IGSF11: variants seen among roughly 807,000 people sequenced by gnomAD.
IGSF11 encodes the protein immunoglobulin superfamily member 11.
A neutral mutation model predicts 41.0 loss-of-function variants in IGSF11; 22 were observed. The observed-to-expected ratio is 0.54, with a 90% CI of 0.38 to 0.77. The LOEUF is 0.77. Among genes scored for constraint, IGSF11 ranks in the 30% least tolerant of loss-of-function variants. The pLI is 0.00. For missense variants in IGSF11, 444 were observed against 530.8 expected (o/e 0.84, Z 1.61); for synonymous variants, 219 against 201.3 (o/e 1.09, Z -0.74).
At position 118,904,537 on chromosome 3, in the gene IGSF11, T is replaced by C. The variant is rs1375424533; in HGVS notation, c.854+111A>G. 1.4e-5 allele frequency: 11 copies of C among 777,584 alleles called. No homozygotes were observed. In the East Asian group the frequency reaches 1.7e-4, roughly 12 times the overall value. The allele number at this position is 777,584 out of a possible 1,614,324, so 48.2% of individuals were successfully genotyped here. Reference sequence around the variant, plus strand: ...AGAAAATACCATTTAGCCACTTTAATAGTCTCGGCCATCAGAGTTTTATGA... The same window carrying C: ...AGAAAATACCATTTAGCCACTTTAACAGTCTCGGCCATCAGAGTTTTATGA... On this transcript the variant is annotated intron_variant, in intron 6 of 6. Transcript: ENST00000393775.
At chr3:119,001,517 T>C (rs1576603528) in intron 1 of IGSF11, among the ~76,000 whole-genome samples, 1 of 147,220 alleles carries the variant, frequency 6.8e-6, no homozygotes. Flanking sequence ...CATGTGCACA[T>C]TGTGCAGGTT....
intron 1 of IGSF11, among the ~76,000 whole-genome samples, chr3:119,103,382 TC>T (rs1194726462): frequency 6.6e-6 from 1 of 151,986 alleles, no homozygotes; most frequent in African/African-American, 2.4e-5. Context: ...TTCCTTTCCT[TC>T]TTTTTTTTTT....
chr3:119,023,793 A>G (rs1353580927), intron 1 of IGSF11, among the ~76,000 whole-genome samples: 1 of 152,190 alleles, frequency 6.6e-6, no homozygotes, highest in Non-Finnish European at 1.5e-5. Context: ...CCACTATGTC[A>G]AGAGAATCTG....
At chr3:119,098,743 A>G (rs1219399207) in intron 1 of IGSF11, among the ~76,000 whole-genome samples, 1 of 152,246 alleles carries the variant, frequency 6.6e-6, no homozygotes, top group Non-Finnish European at 1.5e-5. Context: ...AGCATTGGAA[A>G]CTATATTTCA....
chr3:119,024,178 G>A (rs189980482), intron 1 of IGSF11, among the ~76,000 whole-genome samples: 80 of 152,272 alleles, frequency 5.3e-4, no homozygotes, highest in Middle Eastern at 3.4e-3. Context: ...TGTTAAGACC[G>A]AGAATGAATA....
chr3:118,902,160 C>A lies in IGSF11; in HGVS notation c.*360G>T. On this transcript the variant is annotated 3_prime_UTR_variant, in exon 7 of 7. Coordinates refer to ENST00000393775, the MANE Select transcript of IGSF11 (RefSeq NM_001015887.3). Reference sequence around the variant, plus strand: ...TAAAATAATTTCAATATTTAAACTCCATCTGGCACTTTAATCTCTTAAAAA... The same window carrying A: ...TAAAATAATTTCAATATTTAAACTCAATCTGGCACTTTAATCTCTTAAAAA... 1 of 186,292 alleles carries A rather than the reference C, an allele frequency of 5.4e-6. No homozygotes were observed. Among genetic ancestry groups the A allele is most frequent in the Non-Finnish European group, 1.1e-5 (1 of 88,808 alleles). 11.5% of individuals were successfully genotyped at this position (186,292 alleles called of 1,614,324 possible).
intron 1 of IGSF11, among the ~76,000 whole-genome samples, chr3:118,994,784 C>T (rs372604574): frequency 2.0e-5 from 3 of 152,216 alleles, no homozygotes; most frequent in Middle Eastern, 3.4e-3. Flanking sequence ...ATAAGCATGG[C>T]GGCAGAGAAA....
intron 1 of IGSF11, among the ~76,000 whole-genome samples, chr3:119,083,294 C>A (rs2076614685): frequency 6.6e-6 from 1 of 151,734 alleles, no homozygotes; most frequent in Non-Finnish European, 1.5e-5. Flanking sequence ...TATTTTAATG[C>A]ATTTTTAGTA....
At chr3:119,113,417 C>T (rs4687966) in intron 1 of IGSF11, among the ~76,000 whole-genome samples, 142,985 of 152,278 alleles carry the variant, frequency 0.94, 67,200 homozygotes, top group East Asian at 1. Flanking sequence ...AAGGAAGAGA[C>T]TGGCCAAAAC....
chr3:119,091,542 A>G (rs1303079713), intron 1 of IGSF11, among the ~76,000 whole-genome samples: 1 of 152,232 alleles, frequency 6.6e-6, no homozygotes, highest in Non-Finnish European at 1.5e-5. Flanking sequence ...GAATGAAATA[A>G]TATCCTTTGC....
intron 1 of IGSF11, among the ~76,000 whole-genome samples, chr3:119,134,151 C>T (rs1576837811): frequency 6.6e-6 from 1 of 151,888 alleles, no homozygotes; most frequent in Admixed American, 6.6e-5. Flanking sequence ...TTGAAAACCA[C>T]CACAAGACAA....
At chr3:119,131,672 C>G (rs894118885) in intron 1 of IGSF11, among the ~76,000 whole-genome samples, 2 of 152,022 alleles carry the variant, frequency 1.3e-5, no homozygotes, top group Non-Finnish European at 2.9e-5. Context: ...CAAGGCAGGC[C>G]AACATTCAAA....
At chr3:119,129,231 A>G (rs543295366) in intron 1 of IGSF11, among the ~76,000 whole-genome samples, 1 of 152,278 alleles carries the variant, frequency 6.6e-6, no homozygotes, top group East Asian at 1.9e-4. Context: ...GCACACGTAT[A>G]CCTATGTACC....
At chr3:119,008,310 T>C (rs1433485716) in intron 1 of IGSF11, among the ~76,000 whole-genome samples, 1 of 152,360 alleles carries the variant, frequency 6.6e-6, no homozygotes, top group African/African-American at 2.4e-5. Flanking sequence ...GTCTTTGGAA[T>C]ATGGCCTTCC....
intron 1 of IGSF11, among the ~76,000 whole-genome samples, chr3:118,970,670 G>A (rs149676972): frequency 1.2e-3 from 181 of 150,940 alleles, no homozygotes; most frequent in African/African-American, 4.3e-3. Context: ...TCTAGGAGTT[G>A]GTACTATTGT....
intron 1 of IGSF11, among the ~76,000 whole-genome samples, chr3:118,962,908 T>C (rs1466642131): frequency 6.6e-6 from 1 of 152,062 alleles, no homozygotes; most frequent in Non-Finnish European, 1.5e-5. Context: ...AATTTGTATG[T>C]GTAAGTCAGT....
intron 1 of IGSF11, among the ~76,000 whole-genome samples, chr3:118,973,311 G>C (rs931269059): frequency 1.3e-5 from 2 of 152,216 alleles, no homozygotes; most frequent in African/African-American, 4.8e-5. Context: ...ATAAGGCACT[G>C]GGCATGCACC....
At chr3:119,107,616 C>T (rs1333136635), upstream of IGSF11, among the ~76,000 whole-genome samples, 3 of 152,048 alleles carry the variant, frequency 2.0e-5, no homozygotes, top group Admixed American at 6.6e-5. Context: ...TCAATTTTGG[C>T]TTTTGTTGCC....
chr3:118,964,904 C>T (rs1053936987), intron 1 of IGSF11, among the ~76,000 whole-genome samples: 1 of 152,124 alleles, frequency 6.6e-6, no homozygotes, highest in East Asian at 1.9e-4. Context: ...AATATACTGT[C>T]CCTTGACTTT....
Sources: allele counts gnomAD v4.1 joint callset (sites outside exome capture counted in the v4.1 genomes callset), GRCh38; gene constraint gnomAD v4.1.1; transcripts MANE v1.5; gene names NCBI Gene and HGNC (gene_info 2026-07-23, HGNC 2026-07-21).